NFATC3: variants seen among roughly 807,000 people sequenced by gnomAD.
NFATC3 encodes the protein nuclear factor of activated T cells 3.
In NFATC3, 46 loss-of-function variants were observed where a neutral mutation model predicts 98.6. The observed-to-expected ratio is 0.47, with a 90% CI of 0.37 to 0.60. The LOEUF is 0.60. Among genes scored for constraint, NFATC3 ranks in the 20% least tolerant of loss-of-function variants. The probability of loss-of-function intolerance (pLI) is 0.00; values close to 1 mark genes in which losing one functional copy is unlikely to be tolerated. For synonymous variants in NFATC3, 512 were observed against 472.2 expected (o/e 1.08, Z -1.09); for missense variants, 1,256 against 1,295.5 (o/e 0.97, Z 0.47).
rs77706623 is a variant in NFATC3, at chr16:68,172,936, G to A, written c.1775-1438G>A. Among the ~76,000 whole-genome samples, 1,256 of 152,208 alleles carry A rather than the reference G, an allele frequency of 8.3e-3. 17 individuals carry two copies. Among genetic ancestry groups the A allele is most frequent in the African/African-American group, 0.028 (1,175 of 41,538 alleles). ...AACCAGTCATTATCAGAGAAAGGTG[G>A]CACCGTAAGCACTGTTTATAGAAGT... On this transcript the variant is annotated intron_variant, in intron 5 of 9. Coordinates refer to ENST00000346183, the MANE Select transcript of NFATC3 (RefSeq NM_173165.3).
intron 1 of NFATC3, among the ~76,000 whole-genome samples, chr16:68,088,222 C>CT (rs1318692669): frequency 6.6e-6 from 1 of 151,280 alleles, no homozygotes; most frequent in East Asian, 1.9e-4. Flanking sequence ...GATTCTCTTC[C>CT]TCACTGGAAT....
chr16:68,106,525 TG>T (rs771162435), intron 1 of NFATC3, among the ~76,000 whole-genome samples: 15 of 151,898 alleles, frequency 9.9e-5, no homozygotes, highest in Non-Finnish European at 2.1e-4. Context: ...CTCCTGACCT[TG>T]TGATCTGCCC....
chr16:68,221,406 G>T (rs981325270), intron 9 of NFATC3: 3 of 1,470,928 alleles, frequency 2.0e-6, no homozygotes, highest in African/African-American at 1.4e-5. Context: ...GCACTTTGTT[G>T]CAGTTCTGAC....
At position 68,127,717 on chromosome 16, in the gene NFATC3, A is replaced by G. The variant is rs556660653; in HGVS notation, c.1401+1107A>G. Among the ~76,000 whole-genome samples, 16 of 151,904 alleles carry G rather than the reference A, an allele frequency of 1.1e-4. No individual in the cohort carries two copies. In the South Asian group the frequency reaches 2.9e-3, roughly 28 times the overall value. ...AAAAAAAAAAAGGAATTCCTAAAAT[A>G]TCTTTCTAAGGTCAAAAAAAGAGAT... On this transcript the variant is annotated intron_variant, in intron 3 of 9. Transcript: ENST00000346183.
chr16:68,109,998 T>A (rs749625808), intron 1 of NFATC3, among the ~76,000 whole-genome samples: 6 of 151,968 alleles, frequency 3.9e-5, no homozygotes, highest in Non-Finnish European at 5.9e-5. Flanking sequence ...CCTGGATGAG[T>A]TGTTTTTGTT....
At chr16:68,120,641 A>T (rs28700885) in intron 1 of NFATC3, among the ~76,000 whole-genome samples, 5 of 151,076 alleles carry the variant, frequency 3.3e-5, no homozygotes, top group Admixed American at 6.6e-5. Flanking sequence ...TACTCAGGAG[A>T]CTGAGACAGG....
At chr16:68,105,091 GTT>G (rs1171881277) in intron 1 of NFATC3, among the ~76,000 whole-genome samples, 4 of 134,628 alleles carry the variant, frequency 3.0e-5, no homozygotes, top group Admixed American at 7.5e-5. Flanking sequence ...GACTGTGTGG[GTT>G]TTTTTTTTTT....
intron 3 of NFATC3, among the ~76,000 whole-genome samples, chr16:68,130,871 A>G (rs1375627252): frequency 1.3e-5 from 2 of 152,112 alleles, no homozygotes; most frequent in African/African-American, 2.4e-5. Flanking sequence ...GTGGATATCC[A>G]GTGTTCCCAG....
chr16:68,182,401 G>A (rs2039985119), intron 7 of NFATC3, among the ~76,000 whole-genome samples: 1 of 152,026 alleles, frequency 6.6e-6, no homozygotes, highest in African/African-American at 2.4e-5. Context: ...GTTAGGTTGA[G>A]GATTGTATTT....
At chr16:68,095,164 T>C (rs534968989) in intron 1 of NFATC3, among the ~76,000 whole-genome samples, 11 of 152,158 alleles carry the variant, frequency 7.2e-5, no homozygotes, top group African/African-American at 2.7e-4. Context: ...CTGTGCTTAC[T>C]ATCCACAGTA....
chr16:68,157,804 GT>G (rs2038695500), intron 3 of NFATC3, 64 bp from the exon 4 acceptor site: 3 of 1,280,872 alleles, frequency 2.3e-6, no homozygotes, highest in African/African-American at 3.0e-5. Context: ...ACTTACTATT[GT>G]TGGCATATTG....
intron 9 of NFATC3, chr16:68,214,355 C>T: frequency 6.2e-7 from 1 of 1,614,110 alleles, no homozygotes; most frequent in Non-Finnish European, 8.5e-7. Context: ...CTTGGAACAC[C>T]AGCCATCAGG....
At chr16:68,140,611 C>A (rs577755182) in intron 3 of NFATC3, among the ~76,000 whole-genome samples, 1 of 151,954 alleles carries the variant, frequency 6.6e-6, no homozygotes, top group South Asian at 2.1e-4. Context: ...TTGACATAAA[C>A]CTTATATCTT....
intron 3 of NFATC3, among the ~76,000 whole-genome samples, chr16:68,137,148 ATCTTTTG>A (rs2037462101): frequency 6.6e-6 from 1 of 152,204 alleles, no homozygotes; most frequent in East Asian, 1.9e-4. Context: ...TTTTAAAAAA[ATCTTTTG>A]TCTTTTGTAG....
Position 68,188,745 on chromosome 16 carries a change from G to C in NFATC3, c.2099-2023G>C, listed in dbSNP as rs73612231. On this transcript the variant is annotated intron_variant, in intron 8 of 9. Transcript: ENST00000346183. ...TTGTTTGAGACAGAATTTCACTCTT[G>C]TTGCCCAGGCTGGAATGCAATGGTA... Among the ~76,000 whole-genome samples, 742 of 152,210 alleles carry C rather than the reference G, an allele frequency of 4.9e-3. 8 individuals are homozygous for C. The highest frequency in any genetic ancestry group is 0.017 in the African/African-American group (702 of 41,518).
At chr16:68,162,790 A>T in intron 4 of NFATC3, among the ~76,000 whole-genome samples, 1 of 151,462 alleles carries the variant, frequency 6.6e-6, no homozygotes, top group Non-Finnish European at 1.5e-5. Flanking sequence ...TGTTTCTCGC[A>T]GAGGGGGATT....
chr16:68,128,362 A>G (rs939333537), intron 3 of NFATC3, among the ~76,000 whole-genome samples: 3 of 152,160 alleles, frequency 2.0e-5, no homozygotes, highest in South Asian at 2.1e-4. Context: ...AAAACAAAAC[A>G]TAAGAATTTT....
chr16:68,115,027 T>C (rs760237358), intron 1 of NFATC3, among the ~76,000 whole-genome samples: 5 of 152,182 alleles, frequency 3.3e-5, no homozygotes, highest in Non-Finnish European at 7.3e-5. Flanking sequence ...GTTTCTCCGG[T>C]GAAACACAAT....
intron 1 of NFATC3, among the ~76,000 whole-genome samples, chr16:68,088,143 GAATAA>G (rs1462089977): frequency 6.6e-6 from 1 of 151,846 alleles, no homozygotes; most frequent in East Asian, 1.9e-4. Context: ...TGGAAAATAA[GAATAA>G]AATGGTTAGT....
Sources: gnomAD v4.1 joint callset for allele counts (sites outside exome capture counted in the v4.1 genomes callset) on GRCh38, gnomAD v4.1.1 for gene constraint, MANE v1.5 for transcripts, NCBI Gene and HGNC (gene_info 2026-07-23, HGNC 2026-07-21) for gene names.